Variants in TMEM132B observed in about 807,000 individuals in gnomAD.
TMEM132B encodes transmembrane protein 132B.
In TMEM132B, 18 loss-of-function variants were observed where a neutral mutation model predicts 90.8. That is an observed-to-expected ratio of 0.20 (90% CI 0.14 to 0.29). The LOEUF is 0.29. TMEM132B is among the 10% of genes least tolerant of loss of function. TMEM132B has a pLI of 1.00. For synonymous variants in TMEM132B, 504 were observed against 523.3 expected, an observed-to-expected ratio of 0.96 and a Z score of 0.50; for missense variants, 1,096 against 1,326.8, an observed-to-expected ratio of 0.83 and a Z score of 2.70.
intron 2 of TMEM132B, among the ~76,000 whole-genome samples, chr12:125,399,025 G>A (rs1317428060): frequency 6.6e-6 from 1 of 152,162 alleles, no homozygotes; most frequent in Non-Finnish European, 1.5e-5. Flanking sequence ...GCTGCCCTCT[G>A]TTCCTAGAGC....
At position 125,498,190 on chromosome 12, in the gene TMEM132B, G is replaced by A. The variant is rs1157793678; in HGVS notation, c.1107-21249G>A. On this transcript the variant is annotated intron_variant, in intron 3 of 8. Coordinates refer to ENST00000682704, the MANE Select transcript of TMEM132B (RefSeq NM_001366854.1). The surrounding 1 kb of genome is among the most constrained non-coding windows in gnomAD (Gnocchi z 4.5). ...AGGCATCCTCTGGTTCTCTGAGGGT[G>A]TATATTTCTATGTCCTGGTCAGAAG... Among the ~76,000 whole-genome samples the A allele has an allele frequency of 1.3e-5, 2 of 152,208 alleles. No homozygotes were observed. Among genetic ancestry groups the A allele is most frequent in the African/African-American group, 4.8e-5 (2 of 41,446 alleles).
chr12:125,646,208 G>A (rs913140440), intron 6 of TMEM132B, among the ~76,000 whole-genome samples: 1 of 152,166 alleles, frequency 6.6e-6, no homozygotes, highest in Non-Finnish European at 1.5e-5. Flanking sequence ...AAGCAAGTGA[G>A]GTCAGATAGT....
chr12:125,268,574 A>G (rs1174044516), intron 1 of TMEM132B, among the ~76,000 whole-genome samples: 1 of 152,252 alleles, frequency 6.6e-6, no homozygotes. Flanking sequence ...AACAGTGCAT[A>G]TAGTATGTGA....
chr12:125,621,226 T>A (rs1294532934), intron 5 of TMEM132B, among the ~76,000 whole-genome samples: 1 of 152,094 alleles, frequency 6.6e-6, no homozygotes, highest in African/African-American at 2.4e-5. Flanking sequence ...AGTGTTACTA[T>A]TGGAGAGACG....
chr12:125,196,580 A>G (rs546228136), intron 1 of TMEM132B, among the ~76,000 whole-genome samples: 4 of 152,324 alleles, frequency 2.6e-5, no homozygotes, highest in Admixed American at 1.3e-4. Flanking sequence ...ATGGTGGTAC[A>G]TGCCTGTGGC....
intron 1 of TMEM132B, among the ~76,000 whole-genome samples, chr12:125,292,320 T>C (rs1875563386): frequency 6.6e-6 from 1 of 152,210 alleles, no homozygotes; most frequent in Non-Finnish European, 1.5e-5. Flanking sequence ...GGTGTTAGCT[T>C]GAAAGGTTTT....
chr12:125,389,989 G>C (rs967829761), intron 2 of TMEM132B, among the ~76,000 whole-genome samples: 1 of 152,134 alleles, frequency 6.6e-6, no homozygotes, highest in South Asian at 2.1e-4. Flanking sequence ...CTGTCACTCC[G>C]TTCAAGAATC....
At chr12:125,558,970 A>G (rs899738309) in intron 4 of TMEM132B, among the ~76,000 whole-genome samples, 5 of 152,216 alleles carry the variant, frequency 3.3e-5, no homozygotes, top group African/African-American at 1.2e-4. Flanking sequence ...AAACAGGGTG[A>G]TGTGGTTTAG....
chr12:125,587,889 T>G (rs1249690124), intron 5 of TMEM132B: 1 of 152,216 alleles, frequency 6.6e-6, no homozygotes, highest in Admixed American at 6.5e-5. Flanking sequence ...CTGAGGACTC[T>G]TGAAATCAAA....
At chr12:125,600,892 G>C (rs902574945) in intron 5 of TMEM132B, among the ~76,000 whole-genome samples, 2 of 152,094 alleles carry the variant, frequency 1.3e-5, no homozygotes, top group African/African-American at 4.8e-5. Flanking sequence ...TCATGGTAAA[G>C]GGATCAATTC....
At chr12:125,309,103 G>C (rs1876064728) in intron 1 of TMEM132B, among the ~76,000 whole-genome samples, 1 of 152,070 alleles carries the variant, frequency 6.6e-6, no homozygotes, top group African/African-American at 2.4e-5. Context: ...CACCTGATGG[G>C]CTTGTAAACT....
intron 1 of TMEM132B, among the ~76,000 whole-genome samples, chr12:125,254,220 G>A (rs1023809571): frequency 8.5e-5 from 13 of 152,084 alleles, no homozygotes; most frequent in Admixed American, 6.5e-5. Flanking sequence ...GGTCGAAGCT[G>A]CAGTGAGCCA....
At chr12:125,521,856 G>A (rs965497403) in intron 4 of TMEM132B, among the ~76,000 whole-genome samples, 3 of 152,210 alleles carry the variant, frequency 2.0e-5, no homozygotes, top group Non-Finnish European at 4.4e-5. Flanking sequence ...TGAGGCATAA[G>A]CTTAGGAAGC....
intron 3 of TMEM132B, among the ~76,000 whole-genome samples, chr12:125,491,316 G>C (rs1023770513): frequency 1.3e-5 from 2 of 151,336 alleles, no homozygotes; most frequent in African/African-American, 2.4e-5. Flanking sequence ...TTTATTTAGA[G>C]ATGGGGTCTC....
chr12:125,272,070 A>T (rs757174699), intron 1 of TMEM132B, among the ~76,000 whole-genome samples: 3 of 152,234 alleles, frequency 2.0e-5, no homozygotes, highest in Non-Finnish European at 4.4e-5. Flanking sequence ...CCGTCTAACA[A>T]GGGCCATTAG....
chr12:125,341,438 A>G (rs905295987), intron 1 of TMEM132B, among the ~76,000 whole-genome samples: 7 of 152,280 alleles, frequency 4.6e-5, no homozygotes, highest in African/African-American at 1.7e-4. Flanking sequence ...TGCTTAGTAT[A>G]TATAAATGAT....
intron 1 of TMEM132B, among the ~76,000 whole-genome samples, chr12:125,275,334 A>G (rs2136124034): frequency 6.6e-6 from 1 of 152,194 alleles, no homozygotes; most frequent in East Asian, 1.9e-4. Flanking sequence ...TCTTCTTCAT[A>G]GGACCAGTGC....
chr12:125,454,483 T>C (rs1226175540), intron 3 of TMEM132B, among the ~76,000 whole-genome samples: 1 of 152,098 alleles, frequency 6.6e-6, no homozygotes, highest in East Asian at 1.9e-4. Flanking sequence ...ACACCCCCTC[T>C]GTAATGAAAC....
At chr12:125,494,438 T>C (rs114727384) in intron 3 of TMEM132B, among the ~76,000 whole-genome samples, 49,870 of 92,866 alleles carry the variant, frequency 0.54, 11,986 homozygotes, top group Middle Eastern at 0.67. Flanking sequence ...GAAATGGCCG[T>C]GTCCCTCCTC....
Sources: allele counts gnomAD v4.1 joint callset (sites outside exome capture counted in the v4.1 genomes callset), GRCh38; gene constraint gnomAD v4.1.1; non-coding constraint Gnocchi (gnomAD v3.1); transcripts MANE v1.5; gene names NCBI Gene and HGNC (gene_info 2026-07-23, HGNC 2026-07-21).